Variants in XPR1 observed in about 807,000 individuals in gnomAD.
XPR1 encodes the protein solute carrier family 53 member 1.
Under a neutral mutation model 87.5 loss-of-function variants are expected in XPR1, and 28 were observed. The observed-to-expected ratio is 0.32, with a 90% CI of 0.24 to 0.44. The LOEUF is 0.44. XPR1 is among the 20% of genes least tolerant of loss of function. The pLI is 1.00. For synonymous variants in XPR1, 300 were observed against 306.1 expected, an observed-to-expected ratio of 0.98 and a Z score of 0.21; for missense variants, 559 against 862.3, an observed-to-expected ratio of 0.65 and a Z score of 4.41.
chr1:180,756,292 C>A (rs1163669493), intron 2 of XPR1, among the ~76,000 whole-genome samples: 1 of 152,166 alleles, frequency 6.6e-6, no homozygotes, highest in Admixed American at 6.5e-5. Context: ...TTCAGATTGC[C>A]ACACTTGTCA....
In XPR1 at chr1:180,716,169, C is replaced by T. The variant is rs545036129; in HGVS notation, c.121+33758C>T. On this transcript the variant is annotated intron_variant, in intron 2 of 14. Coordinates refer to ENST00000367590, the MANE Select transcript of XPR1 (RefSeq NM_004736.4). ...TTTGTTTGTTGGAGCCAGGGTCTCA[C>T]TCTGTCACCCAGGCTGGAGTTCAGT... is the stretch of plus-strand genomic sequence containing the variant. 4.0e-5 allele frequency among the ~76,000 whole-genome samples: 6 copies of T among 151,806 alleles called. 1 individual carries two copies. In the South Asian group the frequency reaches 1.3e-3, roughly 32 times the overall value.
In XPR1 at chr1:180,678,320, A is replaced by G. The variant is rs1356739192; in HGVS notation, c.70-4040A>G. Among the ~76,000 whole-genome samples the G allele has an allele frequency of 2.6e-5, 4 of 151,950 alleles. No homozygotes were observed. The East Asian group carries it at 7.7e-4, about 29-fold the overall frequency. ...GTCTGGAGGTGGGGCTGAAAGTTCT[A>G]ATCCTCTAATCACTTGATTTTTTTT... On this transcript the variant is annotated intron_variant, in intron 1 of 14. Transcript: ENST00000367590.
chr1:180,805,043 A>G (rs1251868436), intron 4 of XPR1, among the ~76,000 whole-genome samples: 1 of 152,224 alleles, frequency 6.6e-6, no homozygotes, highest in African/African-American at 2.4e-5. Flanking sequence ...ATAATTAATT[A>G]TGAAAGTTCT....
chr1:180,766,249 CAAGT>C (rs1226820523), intron 2 of XPR1, among the ~76,000 whole-genome samples: 1 of 152,028 alleles, frequency 6.6e-6, no homozygotes, highest in Non-Finnish European at 1.5e-5. Context: ...GCAACCTAGG[CAAGT>C]AAGAGATATT....
At chr1:180,666,733 G>T (rs1655974114) in intron 1 of XPR1, among the ~76,000 whole-genome samples, 1 of 152,022 alleles carries the variant, frequency 6.6e-6, no homozygotes, top group Non-Finnish European at 1.5e-5. Flanking sequence ...TTTTGGTGTG[G>T]AATCTTTAGG....
chr1:180,668,430 G>C (rs1656042527), intron 1 of XPR1, among the ~76,000 whole-genome samples: 1 of 151,982 alleles, frequency 6.6e-6, no homozygotes, highest in Non-Finnish European at 1.5e-5. Context: ...CACCCAGCCT[G>C]TTTCCCTCTT....
intron 9 of XPR1, among the ~76,000 whole-genome samples, chr1:180,827,878 T>TG (rs1157021507): frequency 3.3e-5 from 2 of 59,702 alleles, no homozygotes; most frequent in East Asian, 1.1e-3. Context: ...TTTTTTTCTT[T>TG]AATTTTTTTT....
chr1:180,809,432 CAGTA>C (rs1359771130), intron 6 of XPR1, among the ~76,000 whole-genome samples: 2 of 152,072 alleles, frequency 1.3e-5, no homozygotes, highest in African/African-American at 2.4e-5. Context: ...TCAACTTAGT[CAGTA>C]AAGCAGTTTT....
chr1:180,804,416 A>G (rs553251126), intron 4 of XPR1, among the ~76,000 whole-genome samples: 279 of 152,358 alleles, frequency 1.8e-3, no homozygotes, highest in Middle Eastern at 3.4e-3. Context: ...TTCCAATTTT[A>G]CTGTCCATGG....
intron 7 of XPR1, among the ~76,000 whole-genome samples, chr1:180,818,327 G>GTTT (rs76651863): frequency 7.2e-6 from 1 of 139,510 alleles, no homozygotes; most frequent in Non-Finnish European, 1.6e-5. Context: ...TTCTGTTTGG[G>GTTT]TTTTTTTTTT....
In XPR1 at chr1:180,779,729, A is replaced by G. The variant is rs529791284; in HGVS notation, c.122-8024A>G. On this transcript the variant is annotated intron_variant, in intron 2 of 14. Transcript: ENST00000367590. ...GAGGGGGAGAGGGAGAGGGAGAGGG[A>G]AAAAAAGGAAGATATAATTCATAGG... is the stretch of plus-strand genomic sequence containing the variant. 3.0e-4 allele frequency among the ~76,000 whole-genome samples: 46 copies of G among 152,054 alleles called. No individual in the cohort carries two copies. In the East Asian group the frequency reaches 6.8e-3, roughly 22 times the overall value.
intron 2 of XPR1, among the ~76,000 whole-genome samples, chr1:180,724,946 A>G (rs187401611): frequency 6.6e-6 from 1 of 152,346 alleles, no homozygotes; most frequent in East Asian, 1.9e-4. Context: ...TTGTTTCCAC[A>G]AACCCGTCGC....
At chr1:180,676,080 T>C (rs989221941) in intron 1 of XPR1, among the ~76,000 whole-genome samples, 1 of 152,230 alleles carries the variant, frequency 6.6e-6, no homozygotes, top group Non-Finnish European at 1.5e-5. Context: ...TTTTTCTCCT[T>C]ATAAAATTCA....
intron 2 of XPR1, among the ~76,000 whole-genome samples, chr1:180,713,427 T>C (rs148529368): frequency 1.3e-5 from 2 of 152,206 alleles, no homozygotes; most frequent in African/African-American, 2.4e-5. Flanking sequence ...CCAAGTGTCA[T>C]CTGCCAATGA....
chr1:180,674,201 A>G (rs1254183975), intron 1 of XPR1, among the ~76,000 whole-genome samples: 3 of 152,188 alleles, frequency 2.0e-5, no homozygotes, highest in Non-Finnish European at 4.4e-5. Flanking sequence ...TGAGGGTGCT[A>G]AAGTACAGAG....
At chr1:180,793,465 T>G (rs1261497360) in intron 3 of XPR1, among the ~76,000 whole-genome samples, 1 of 151,364 alleles carries the variant, frequency 6.6e-6, no homozygotes, top group African/African-American at 2.4e-5. Context: ...AAACTATGAC[T>G]TAATGGCTGG....
At chr1:180,655,835 A>T (rs990610808) in intron 1 of XPR1, among the ~76,000 whole-genome samples, 1 of 151,596 alleles carries the variant, frequency 6.6e-6, no homozygotes, top group African/African-American at 2.4e-5. Flanking sequence ...ATTTTTGTGG[A>T]TGCATAGTAG....
At chr1:180,867,302 A>AT (rs1652430976) in intron 12 of XPR1, among the ~76,000 whole-genome samples, 1 of 90,142 alleles carries the variant, frequency 1.1e-5, no homozygotes, top group African/African-American at 4.6e-5. Flanking sequence ...GAGCAGCATG[A>AT]TTTATAATCC....
At chr1:180,866,537 G>A (rs1652397229) in intron 12 of XPR1, among the ~76,000 whole-genome samples, 1 of 127,734 alleles carries the variant, frequency 7.8e-6, no homozygotes, top group South Asian at 2.4e-4. Flanking sequence ...TTTCCACATT[G>A]GTCATGGTGA....
Sources: gnomAD v4.1 joint callset for allele counts (sites outside exome capture counted in the v4.1 genomes callset) on GRCh38, gnomAD v4.1.1 for gene constraint, MANE v1.5 for transcripts, NCBI Gene and HGNC (gene_info 2026-07-23, HGNC 2026-07-21) for gene names.